ENPP1: variants seen among roughly 807,000 people sequenced by gnomAD.
ENPP1 encodes the protein ectonucleotide pyrophosphatase/phosphodiesterase 1, also known as ectonucleotide pyrophosphatase/phosphodiesterase family member 1.
ENPP1 carries 73 observed loss-of-function variants against 122.8 expected under a neutral mutation model. That is an observed-to-expected ratio of 0.59 (90% CI 0.49 to 0.72). The LOEUF (loss-of-function observed/expected upper bound fraction) is 0.72, where lower values mean the gene tolerates loss of function less well. Ranked by LOEUF, ENPP1 falls within the 30% of genes least tolerant of loss-of-function variation. The pLI, the probability that ENPP1 is intolerant of heterozygous loss-of-function variation, is 0.00. For synonymous variants in ENPP1, 367 were observed against 391.6 expected (o/e 0.94, Z 0.74); for missense variants, 978 against 1,128.1 (o/e 0.87, Z 1.91).
At chr6:131,881,135 G>A (rs572870900) in intron 20 of ENPP1, among the ~76,000 whole-genome samples, 13 of 152,204 alleles carry the variant, frequency 8.5e-5, no homozygotes, top group African/African-American at 2.9e-4. Context: ...GCAGCAGTTT[G>A]ATTTAAAAAA....
chr6:131,871,423 C>T (rs1782161003), intron 13 of ENPP1, among the ~76,000 whole-genome samples: 1 of 152,136 alleles, frequency 6.6e-6, no homozygotes, highest in Non-Finnish European at 1.5e-5. Context: ...TCATACCCCT[C>T]TTATTTGAAA....
chr6:131,893,667 G>C lies in ENPP1; in HGVS notation c.*3156G>C, dbSNP rs1782501549. On this transcript the variant is annotated 3_prime_UTR_variant, in exon 25 of 25. Coordinates refer to ENST00000647893, the MANE Select transcript of ENPP1 (RefSeq NM_006208.3). ...TTCTATGCTGACTGTTAAGGAAAGA[G>C]CACCCACATCTGCTCCTACTTAGCT... 1.3e-5 allele frequency: 2 copies of C among 152,176 alleles called. No individual in the cohort carries two copies. Among genetic ancestry groups the C allele is most frequent in the Admixed American group, 6.5e-5 (1 of 15,284 alleles). The allele number at this position is 152,176 out of a possible 1,614,324, so 9.4% of individuals were successfully genotyped here.
Position 131,892,476 on chromosome 6 carries a change from C to G in ENPP1, c.*1965C>G, listed in dbSNP as rs556957422. On this transcript the variant is annotated 3_prime_UTR_variant, in exon 25 of 25. Coordinates refer to ENST00000647893, the MANE Select transcript of ENPP1 (RefSeq NM_006208.3). ...TCCCTGGCTGGAATGTGCAGCGGCA[C>G]CTTTTGGTGCACCCTGGGAATCTCC... is the stretch of plus-strand genomic sequence containing the variant. 6.6e-6 allele frequency: 1 copy of G among 152,266 alleles called. No individual in the cohort carries two copies. The highest frequency in any genetic ancestry group is 1.5e-5 in the Non-Finnish European group (1 of 68,044). The allele number at this position is 152,266 out of a possible 1,614,324, so 9.4% of individuals were successfully genotyped here.
intron 6 of ENPP1, among the ~76,000 whole-genome samples, chr6:131,856,727 C>A (rs1781952213): frequency 6.9e-6 from 1 of 144,682 alleles, no homozygotes; most frequent in Admixed American, 6.8e-5. Context: ...GTTTTCCCAG[C>A]ACCATTTATT....
chr6:131,886,099 A>G (rs78051971), intron 23 of ENPP1, among the ~76,000 whole-genome samples: 1 of 152,320 alleles, frequency 6.6e-6, no homozygotes, highest in East Asian at 1.9e-4. Flanking sequence ...AAGGAAGAAA[A>G]TCCAGTTAGA....
At position 131,826,369 on chromosome 6, in the gene ENPP1, AGCT is replaced by A. The variant is rs1000336343; in HGVS notation, c.240+18098_240+18100del. 3.1e-4 allele frequency: 339 copies of A among 1,096,700 alleles called. 1 individual carries two copies. The highest frequency in any genetic ancestry group is 2.8e-4 in the Non-Finnish European group (206 of 724,678). 67.9% of individuals were successfully genotyped at this position (1,096,700 alleles called of 1,614,324 possible). A position where few individuals can be genotyped will look rare whatever the true frequency, so the allele number is the denominator to read the frequency against. ...ATAATGTAGTTTGCTGCATAGGAAA[AGCT>A]GCTAGGGCAGATTCTCAATATTAAT... On this transcript the variant is annotated intron_variant, in intron 1 of 24. Transcript: ENST00000647893.
chr6:131,834,848 C>T (rs1008987729), intron 1 of ENPP1, among the ~76,000 whole-genome samples: 2 of 151,974 alleles, frequency 1.3e-5, no homozygotes, highest in East Asian at 1.9e-4. Flanking sequence ...CGTGAGCCAC[C>T]GCGCCCAGCT....
At position 131,877,098 on chromosome 6, in the gene ENPP1, C is replaced by A; in HGVS notation, c.1830C>A (p.Pro610=). 6.2e-7 allele frequency: 1 copy of A among 1,614,040 alleles called. No homozygotes were observed. Among genetic ancestry groups the A allele is most frequent in the Non-Finnish European group, 8.5e-7 (1 of 1,179,998 alleles). ...CAAAGCATCCCAAAGAAGTGCACCC[C>A]CTGGTACAGTGCCCCTTCACAAGAA... The part of the protein sequence containing the change: ...YTPKHPKEVH[P]LVQCPFTRNP... The change falls in exon 18 of 25, where the codon CCC becomes CCA. Residue 610 remains proline (P), a synonymous_variant. Coordinates refer to ENST00000647893, the MANE Select transcript of ENPP1 (RefSeq NM_006208.3).
chr6:131,827,952 G>T (rs527936215), intron 1 of ENPP1: 1 of 888,356 alleles, frequency 1.1e-6, no homozygotes, highest in Non-Finnish European at 1.9e-6. Context: ...ACTTATAAAG[G>T]ATGGCCACAA....
intron 16 of ENPP1, 92 bp from the exon 17 acceptor site, chr6:131,875,684 T>A (rs1782223048): frequency 2.2e-6 from 2 of 909,082 alleles, no homozygotes; most frequent in Non-Finnish European, 3.7e-6. Flanking sequence ...TCATAACCAG[T>A]TTGTATATGT....
At chr6:131,812,496 G>A (rs564051709) in intron 1 of ENPP1, among the ~76,000 whole-genome samples, 1 of 152,176 alleles carries the variant, frequency 6.6e-6, no homozygotes, top group Non-Finnish European at 1.5e-5. Context: ...AGAGCTTGCT[G>A]TTAAAAGAAT....
At chr6:131,882,018 A>G (rs990564884) in intron 20 of ENPP1, among the ~76,000 whole-genome samples, 3 of 147,426 alleles carry the variant, frequency 2.0e-5, no homozygotes, top group Non-Finnish European at 3.0e-5. Context: ...ACTCCATCTT[A>G]AAAAAATAAT....
chr6:131,887,393 A>AATT (rs760753298), intron 24 of ENPP1, among the ~76,000 whole-genome samples: 3 of 145,838 alleles, frequency 2.1e-5, no homozygotes, highest in Non-Finnish European at 4.5e-5. Context: ...ACATTTTAGC[A>AATT]ATTTTTTTTT....
intron 16 of ENPP1, among the ~76,000 whole-genome samples, chr6:131,875,423 T>C (rs550804990): frequency 2.0e-5 from 3 of 152,028 alleles, no homozygotes; most frequent in Admixed American, 2.0e-4. Flanking sequence ...CTTTAACATT[T>C]TCAAAATAAA....
chr6:131,871,465 A>G (rs2114713826), intron 13 of ENPP1, among the ~76,000 whole-genome samples: 1 of 152,196 alleles, frequency 6.6e-6, no homozygotes, highest in East Asian at 1.9e-4. Flanking sequence ...ATTGAAGTAT[A>G]CAAAGTAAAA....
At chr6:131,851,698 T>G (rs1486033322) in intron 4 of ENPP1, among the ~76,000 whole-genome samples, 1 of 152,150 alleles carries the variant, frequency 6.6e-6, no homozygotes, top group Non-Finnish European at 1.5e-5. Context: ...CGATGTGAAA[T>G]TGTTTAGAAA....
At chr6:131,854,613 G>A (rs897098607) in intron 5 of ENPP1, among the ~76,000 whole-genome samples, 3 of 151,974 alleles carry the variant, frequency 2.0e-5, no homozygotes, top group Admixed American at 1.3e-4. Flanking sequence ...AGTAGCAATT[G>A]GTGTAGCTTT....
intron 24 of ENPP1, among the ~76,000 whole-genome samples, chr6:131,888,250 T>G (rs1184684385): frequency 6.7e-6 from 1 of 149,500 alleles, no homozygotes; most frequent in Non-Finnish European, 1.5e-5. Context: ...TTTTTTTTTT[T>G]CATTGAAGTG....
intron 18 of ENPP1, chr6:131,877,866 A>AAAAAAATATATATAT (rs1562183349): frequency 3.8e-5 from 2 of 53,022 alleles, no homozygotes; most frequent in African/African-American, 9.3e-5. Context: ...AAAAAAAAAA[A>AAAAAAATATATATAT]ATATATATAT....
Sources: allele counts gnomAD v4.1 joint callset (sites outside exome capture counted in the v4.1 genomes callset), GRCh38; gene constraint gnomAD v4.1.1; transcripts MANE v1.5; gene names NCBI Gene and HGNC (gene_info 2026-07-23, HGNC 2026-07-21).